Variants in RREB1 observed in about 807,000 individuals in gnomAD.
RREB1 encodes the protein ras responsive element binding protein 1.
RREB1 carries 27 observed loss-of-function variants against 117.8 expected under a neutral mutation model. That is an observed-to-expected ratio of 0.23 (90% CI 0.17 to 0.32). The LOEUF is 0.32. Among genes scored for constraint, RREB1 ranks in the 10% least tolerant of loss-of-function variants. The pLI is 1.00. For missense variants in RREB1, 2,577 were observed against 2,378.2 expected, an observed-to-expected ratio of 1.08 and a Z score of -1.74; for synonymous variants, 1,298 against 1,026.7, an observed-to-expected ratio of 1.26 and a Z score of -5.05.
chr6:7,226,939 G>T (rs76573555), intron 9 of RREB1, among the ~76,000 whole-genome samples: 4,387 of 152,208 alleles, frequency 0.029, 225 homozygotes, highest in African/African-American at 0.099. Context: ...GGTCTTTGAG[G>T]TTTAAGTTGT....
chr6:7,177,071 T>C (rs1581494667), intron 2 of RREB1, among the ~76,000 whole-genome samples: 1 of 151,598 alleles, frequency 6.6e-6, no homozygotes, highest in African/African-American at 2.4e-5. Context: ...AAAAAAAAAT[T>C]AGCCAGGCGT....
intron 1 of RREB1, among the ~76,000 whole-genome samples, chr6:7,170,431 G>A (rs1057449525): frequency 2.0e-5 from 3 of 152,210 alleles, no homozygotes; most frequent in Admixed American, 6.5e-5. Flanking sequence ...GAGGGTATCC[G>A]GGGCCACCAG....
At chr6:7,171,360 A>G (rs1764198647) in intron 1 of RREB1, among the ~76,000 whole-genome samples, 2 of 152,194 alleles carry the variant, frequency 1.3e-5, no homozygotes, top group Non-Finnish European at 2.9e-5. Context: ...ATGGAAAGCC[A>G]GGTGCAGAGC....
At chr6:7,153,105 G>GTT (rs369606887) in intron 1 of RREB1, among the ~76,000 whole-genome samples, 197 of 104,946 alleles carry the variant, frequency 1.9e-3, no homozygotes, top group African/African-American at 2.2e-3. Context: ...TTGTGAGAGG[G>GTT]TTTTTTTTTT....
intron 6 of RREB1, among the ~76,000 whole-genome samples, chr6:7,190,094 A>G (rs891702512): frequency 4.6e-5 from 7 of 152,228 alleles, no homozygotes; most frequent in Middle Eastern, 3.2e-3. Context: ...ATTTGGTTAT[A>G]TAAACACTAA....
chr6:7,207,300 C>G (rs754001859), intron 6 of RREB1, among the ~76,000 whole-genome samples: 15 of 152,204 alleles, frequency 9.9e-5, no homozygotes, highest in Non-Finnish European at 1.8e-4. Context: ...AGTGCTCAGC[C>G]ACTTTGCAGA....
intron 6 of RREB1, among the ~76,000 whole-genome samples, chr6:7,207,559 C>T (rs1017210096): frequency 6.6e-6 from 1 of 152,210 alleles, no homozygotes; most frequent in Non-Finnish European, 1.5e-5. Flanking sequence ...ATGGAACCCA[C>T]CCAGGCTCCC....
At chr6:7,156,718 A>G (rs1488284715) in intron 1 of RREB1, among the ~76,000 whole-genome samples, 3 of 152,256 alleles carry the variant, frequency 2.0e-5, no homozygotes, top group Non-Finnish European at 4.4e-5. Context: ...AAGAAACATA[A>G]CAGGCTTGCC....
chr6:7,248,708 G>T lies in RREB1; in HGVS notation c.4969G>T (p.Ala1657Ser). 6.2e-7 allele frequency: 1 copy of T among 1,614,202 alleles called. No individual in the cohort carries two copies. Among genetic ancestry groups the T allele is most frequent in the Non-Finnish European group, 8.5e-7 (1 of 1,180,034 alleles). ...CAACAACGCCGTCTCAGAGAACGAG[G>T]CTGAGCTGGCTCCCAATGCCAGCAA... Reference protein sequence around the residue: ...SGNNAVSENEAELAPNASNHM... With the variant: ...SGNNAVSENESELAPNASNHM... The change falls in exon 13 of 13, where the codon GCT (alanine) becomes TCT (serine). Residue 1657 changes from alanine to serine, a missense_variant. By Grantham distance (99) the Ala-to-Ser change is moderately conservative. Transcript: ENST00000379938.
chr6:7,136,144 A>AC (rs574454233), intron 1 of RREB1, among the ~76,000 whole-genome samples: 2 of 152,190 alleles, frequency 1.3e-5, no homozygotes, highest in East Asian at 3.9e-4. Flanking sequence ...GGGGGAAAAA[A>AC]CCCACCAAAC....
chr6:7,201,534 C>T (rs1373837164), intron 6 of RREB1, among the ~76,000 whole-genome samples: 1 of 60,682 alleles, frequency 1.6e-5, no homozygotes, highest in Non-Finnish European at 3.0e-5. Flanking sequence ...CCCACTGAAA[C>T]ATGAACAGGA....
chr6:7,109,084 G>A (rs928650678), intron 1 of RREB1, among the ~76,000 whole-genome samples: 1 of 151,862 alleles, frequency 6.6e-6, no homozygotes, highest in African/African-American at 2.4e-5. Flanking sequence ...GAGCATCCGA[G>A]GCGGGGCCGG....
rs1255543271 is a variant in RREB1, at chr6:7,250,051, CAGAG to C, written c.*1086_*1089del. 1.3e-5 allele frequency: 2 copies of C among 152,606 alleles called. No individual in the cohort carries two copies. Among genetic ancestry groups the C allele is most frequent in the African/African-American group, 4.8e-5 (2 of 41,414 alleles). The allele number at this position is 152,606 out of a possible 1,614,324, so 9.5% of individuals were successfully genotyped here. ...TCCCAAGCATGGTCCAGGAGCAGCT[CAGAG>C]AGGGTGGAGTGAGGATGCATGCATC... On this transcript the variant is annotated 3_prime_UTR_variant, in exon 13 of 13. Transcript: ENST00000379938.
At chr6:7,245,093 T>A (rs1768925210) in intron 11 of RREB1, among the ~76,000 whole-genome samples, 1 of 152,212 alleles carries the variant, frequency 6.6e-6, no homozygotes. Context: ...CTTGAATCCC[T>A]GCAGTAATAA....
chr6:7,170,957 G>C (rs1188465926), intron 1 of RREB1, among the ~76,000 whole-genome samples: 3 of 152,158 alleles, frequency 2.0e-5, no homozygotes, highest in Non-Finnish European at 4.4e-5. Flanking sequence ...TTCTGACTCG[G>C]TAGGTCTGGG....
chr6:7,161,334 C>G (rs1398506279), intron 1 of RREB1, among the ~76,000 whole-genome samples: 1 of 152,156 alleles, frequency 6.6e-6, no homozygotes, highest in East Asian at 1.9e-4. Flanking sequence ...CACTAACTCC[C>G]CTCCCAAGCC....
chr6:7,237,134 G>A (rs1216006881), intron 10 of RREB1, among the ~76,000 whole-genome samples: 1 of 151,990 alleles, frequency 6.6e-6, no homozygotes, highest in Non-Finnish European at 1.5e-5. Flanking sequence ...AGCTCAGGCT[G>A]GAGTGCAGTG....
At chr6:7,199,957 A>G (rs565794342) in intron 6 of RREB1, among the ~76,000 whole-genome samples, 1 of 152,196 alleles carries the variant, frequency 6.6e-6, no homozygotes, top group East Asian at 1.9e-4. Context: ...ATCCTCTGAG[A>G]AAAAGGGTAG....
chr6:7,235,045 A>C (rs1436060951), intron 10 of RREB1, among the ~76,000 whole-genome samples: 1 of 152,224 alleles, frequency 6.6e-6, no homozygotes, highest in Admixed American at 6.5e-5. Context: ...TTTCAGACTT[A>C]ATGACTACAG....
Sources: allele counts gnomAD v4.1 joint callset (sites outside exome capture counted in the v4.1 genomes callset), GRCh38; gene constraint gnomAD v4.1.1; transcripts MANE v1.5; gene names NCBI Gene and HGNC (gene_info 2026-07-23, HGNC 2026-07-21).